Variants in UFD1 observed in about 807,000 individuals in gnomAD.
UFD1 encodes ubiquitin recognition factor in ER-associated degradation protein 1.
UFD1 carries 13 observed loss-of-function variants against 45.9 expected under a neutral mutation model. The ratio of observed to expected loss-of-function variants is 0.28; its 90% CI spans 0.18 to 0.45. The LOEUF (loss-of-function observed/expected upper bound fraction) is 0.45. Ranked by LOEUF, UFD1 falls within the 20% of genes least tolerant of loss-of-function variation. The probability of loss-of-function intolerance (pLI) is 1.00; values close to 1 mark genes in which losing one functional copy is unlikely to be tolerated. For missense variants in UFD1, 218 were observed against 389.2 expected (o/e 0.56, Z 3.70); for synonymous variants, 128 against 139.2 (o/e 0.92, Z 0.56).
At chr22:19,475,969 T>C (rs2089878267) in intron 1 of UFD1, among the ~76,000 whole-genome samples, 2 of 152,186 alleles carry the variant, frequency 1.3e-5, no homozygotes, top group Non-Finnish European at 2.9e-5. Flanking sequence ...GTGCCTACTG[T>C]CTGCCAGGCT....
At chr22:19,478,950 G>A (rs1050195015) in intron 1 of UFD1, 133 bp downstream of exon 1, 28 of 1,261,002 alleles carry the variant, frequency 2.2e-5, no homozygotes, top group Non-Finnish European at 2.6e-5. Context: ...TGCGGCCGAT[G>A]AGCCTGCAGG....
At chr22:19,469,090 G>GT (rs1199541384) in intron 4 of UFD1, among the ~76,000 whole-genome samples, 1 of 152,214 alleles carries the variant, frequency 6.6e-6, no homozygotes, top group African/African-American at 2.4e-5. Flanking sequence ...TGTCAGGCTA[G>GT]TAAGGGCAGA....
chr22:19,460,995 A>G (rs545199550), intron 6 of UFD1, among the ~76,000 whole-genome samples: 78 of 152,318 alleles, frequency 5.1e-4, no homozygotes, highest in African/African-American at 1.8e-3. Flanking sequence ...GGCTCAAACA[A>G]TCCTCCAACC....
intron 1 of UFD1, 89 bp from the exon 2 acceptor site, chr22:19,475,691 TA>T: frequency 6.9e-7 from 1 of 1,440,910 alleles, no homozygotes; most frequent in Non-Finnish European, 9.7e-7. Flanking sequence ...TTAATGCTAC[TA>T]AACATTGTCA....
At chr22:19,474,609 T>C (rs1204330746) in intron 3 of UFD1, among the ~76,000 whole-genome samples, 1 of 152,060 alleles carries the variant, frequency 6.6e-6, no homozygotes, top group Non-Finnish European at 1.5e-5. Context: ...AGGAAAGATG[T>C]TTGGTGAGGG....
chr22:19,465,519 C>T (rs2089795855), intron 5 of UFD1: 2 of 471,210 alleles, frequency 4.2e-6, no homozygotes. Flanking sequence ...AAATAACCAA[C>T]CACAAAAGGG....
At chr22:19,478,171 C>T (rs1293404646) in intron 1 of UFD1, among the ~76,000 whole-genome samples, 1 of 152,184 alleles carries the variant, frequency 6.6e-6, no homozygotes, top group Non-Finnish European at 1.5e-5. Flanking sequence ...TTGCTGCTCC[C>T]GATCCCATCT....
At chr22:19,462,353 T>C (rs898818912) in intron 6 of UFD1, among the ~76,000 whole-genome samples, 2 of 152,132 alleles carry the variant, frequency 1.3e-5, no homozygotes, top group African/African-American at 4.8e-5. Context: ...ACACTTTAAT[T>C]CTAAACAACT....
intron 6 of UFD1, among the ~76,000 whole-genome samples, chr22:19,461,960 T>A (rs5748216): frequency 0.88 from 133,161 of 151,912 alleles, 58,645 homozygotes; most frequent in African/African-American, 0.97. Flanking sequence ...TTCATTTTAT[T>A]TGTTTTTAAA....
At chr22:19,453,092 G>A (rs2089695811) in intron 11 of UFD1, 1 of 985,440 alleles carries the variant, frequency 1.0e-6, no homozygotes, top group East Asian at 1.1e-4. Flanking sequence ...TTCAGAGATA[G>A]TAGTCTAGAG....
chr22:19,465,008 T>C (rs1394495095), intron 6 of UFD1, among the ~76,000 whole-genome samples, 194 bp downstream of exon 6: 1 of 151,892 alleles, frequency 6.6e-6, no homozygotes, highest in African/African-American at 2.4e-5. Context: ...AAATGCAATC[T>C]ATCCTCAAAA....
intron 1 of UFD1, among the ~76,000 whole-genome samples, chr22:19,477,918 C>T (rs1243692320): frequency 1.3e-5 from 2 of 152,054 alleles, no homozygotes; most frequent in African/African-American, 4.8e-5. Flanking sequence ...TTTTGTCTTT[C>T]TTCTTTTAAG....
rs114509682 is a variant in UFD1, at chr22:19,465,662, C to T, written c.423-388G>A. ...GACCTTTTGGGGACATGGAAATGTT[C>T]TGATTACATGGGTGTATACATTTTC... On this transcript the variant is annotated intron_variant, in intron 5 of 11. Coordinates refer to ENST00000263202, the MANE Select transcript of UFD1 (RefSeq NM_005659.7). 1,097 of 213,502 alleles carry T rather than the reference C, an allele frequency of 5.1e-3. 9 individuals are homozygous for T. Among genetic ancestry groups the T allele is most frequent in the African/African-American group, 0.024 (1,036 of 43,644 alleles). The allele number at this position is 213,502 out of a possible 1,614,324, so 13.2% of individuals were successfully genotyped here.
chr22:19,464,223 G>A (rs1013052633), intron 6 of UFD1, among the ~76,000 whole-genome samples: 1 of 152,208 alleles, frequency 6.6e-6, no homozygotes, highest in African/African-American at 2.4e-5. Context: ...AGGCAGCTGT[G>A]ACACAGCTGT....
rs1310793839 is a variant in UFD1 at position 19,450,566 on chromosome 22, A to G, written c.*104T>C. Reference sequence around the variant, plus strand: ...TAACTCTAAATAAATCTTAAGTAACAGAGTATTCTCTGATGAGGCTCGTCC... The same window carrying G: ...TAACTCTAAATAAATCTTAAGTAACGGAGTATTCTCTGATGAGGCTCGTCC... On this transcript the variant is annotated 3_prime_UTR_variant, in exon 12 of 12. Transcript: ENST00000263202. 2.9e-6 allele frequency: 4 copies of G among 1,386,816 alleles called. No homozygotes were observed. The East Asian group carries it at 6.9e-5, about 24-fold the overall frequency. The allele number at this position is 1,386,816 out of a possible 1,614,324, so 85.9% of individuals were successfully genotyped here.
intron 6 of UFD1, among the ~76,000 whole-genome samples, chr22:19,462,523 C>T (rs1481705129): frequency 6.6e-6 from 1 of 152,012 alleles, no homozygotes; most frequent in Non-Finnish European, 1.5e-5. Context: ...AAAGTAGCCG[C>T]AAGTGGTGGC....
intron 5 of UFD1, chr22:19,465,547 C>T (rs2089796086): frequency 2.4e-6 from 1 of 419,588 alleles, no homozygotes; most frequent in Non-Finnish European, 4.4e-6. Context: ...ATTCCATCCA[C>T]ATGGAACCCT....
rs1214284968 is a variant in UFD1, at chr22:19,450,632, AT to A, written c.*37del. ...ACTAAAAGCCAAGATGTTGCAAATG[AT>A]TCTTTTATTATTTTCCAATCAGCCA... is the stretch of plus-strand genomic sequence containing the variant. On this transcript the variant is annotated 3_prime_UTR_variant, in exon 12 of 12. Transcript: ENST00000263202. 8 of 1,613,110 alleles carry A rather than the reference AT, an allele frequency of 5.0e-6. No individual in the cohort carries two copies. In the East Asian group the frequency reaches 1.3e-4, roughly 27 times the overall value.
Position 19,475,140 on chromosome 22 carries a change from T to C in UFD1, c.137-40A>G, listed in dbSNP as rs762183048. 11 of 1,584,084 alleles carry C rather than the reference T, an allele frequency of 6.9e-6. No individual in the cohort carries two copies. The South Asian group carries it at 1.3e-4, about 18-fold the overall frequency. ...TTTAAGAAATATTAAAAAATAAAAA[T>C]AAAAAGGACAGACCAAAGGCAAGAT... On this transcript the variant is annotated intron_variant, in intron 2 of 11. Transcript: ENST00000263202.
Sources: gnomAD v4.1 joint callset for allele counts (sites outside exome capture counted in the v4.1 genomes callset) on GRCh38, gnomAD v4.1.1 for gene constraint, MANE v1.5 for transcripts, NCBI Gene and HGNC (gene_info 2026-07-23, HGNC 2026-07-21) for gene names.